Variants in DTWD2 observed in about 807,000 individuals in gnomAD.
The protein encoded by DTWD2 is tRNA-uridine aminocarboxypropyltransferase 2.
In DTWD2, 39 loss-of-function variants were observed where a neutral mutation model predicts 31.8. That is an observed-to-expected ratio of 1.22 (90% CI 0.95 to 1.60). The LOEUF (loss-of-function observed/expected upper bound fraction) is 1.60. Among genes scored for constraint, DTWD2 ranks in the 40% most tolerant of loss-of-function variants. The probability of loss-of-function intolerance (pLI) is 0.00; values close to 1 mark genes in which losing one functional copy is unlikely to be tolerated. For missense variants in DTWD2, 515 were observed against 381.5 expected (o/e 1.35, Z -2.92); for synonymous variants, 180 against 142.8 (o/e 1.26, Z -1.86).
intron 4 of DTWD2, among the ~76,000 whole-genome samples, chr5:118,856,512 G>A (rs1431091304): frequency 6.6e-6 from 1 of 152,088 alleles, no homozygotes; most frequent in Non-Finnish European, 1.5e-5. Flanking sequence ...CCCTAGGAGT[G>A]GAACTGATTT....
chr5:118,935,633 T>C (rs1178718598), intron 3 of DTWD2, among the ~76,000 whole-genome samples: 1 of 152,178 alleles, frequency 6.6e-6, no homozygotes, highest in South Asian at 2.1e-4. Flanking sequence ...GAAAAATGGT[T>C]GAGAGTTTTT....
intron 3 of DTWD2, among the ~76,000 whole-genome samples, chr5:118,934,093 T>C (rs1234230319): frequency 6.6e-6 from 1 of 150,444 alleles, no homozygotes; most frequent in Non-Finnish European, 1.5e-5. Flanking sequence ...TGTGAATCTA[T>C]TAAAATACGT....
At chr5:118,973,564 C>T (rs1755041609) in intron 1 of DTWD2, among the ~76,000 whole-genome samples, 1 of 152,112 alleles carries the variant, frequency 6.6e-6, no homozygotes, top group African/African-American at 2.4e-5. Context: ...CTTTTATTCC[C>T]ACTGGCTGCT....
intron 4 of DTWD2, among the ~76,000 whole-genome samples, chr5:118,918,282 G>A (rs1220992010): frequency 6.6e-6 from 1 of 152,022 alleles, no homozygotes; most frequent in Non-Finnish European, 1.5e-5. Context: ...AACATCAAAT[G>A]GACAATCTGA....
chr5:118,853,548 T>C (rs950371726), intron 4 of DTWD2, among the ~76,000 whole-genome samples: 1 of 152,136 alleles, frequency 6.6e-6, no homozygotes, highest in Admixed American at 6.5e-5. Context: ...TACATTTGCA[T>C]TATGGAATAC....
rs1016519558 is a variant in DTWD2, at chr5:118,939,377, C to G, written c.310-87G>C. On this transcript the variant is annotated intron_variant, in intron 2 of 5. Transcript: ENST00000510708. The stretch of plus-strand genomic sequence containing the variant: ...TTTATAATGAACATCTGATTCATAA[C>G]TTTATGCATAACTTTCACAAGTCTT... 13 of 1,147,380 alleles carry G rather than the reference C, an allele frequency of 1.1e-5. No individual in the cohort carries two copies. In the African/African-American group the frequency reaches 1.9e-4, roughly 17 times the overall value. 71.1% of individuals were successfully genotyped at this position (1,147,380 alleles called of 1,614,324 possible).
At chr5:118,868,805 C>G (rs1399813073) in intron 4 of DTWD2, among the ~76,000 whole-genome samples, 1 of 146,524 alleles carries the variant, frequency 6.8e-6, no homozygotes, top group Admixed American at 6.9e-5. Flanking sequence ...CCACTGCATT[C>G]CAGCCTGAAT....
chr5:118,871,721 G>A (rs898953408), intron 4 of DTWD2, among the ~76,000 whole-genome samples: 6 of 152,140 alleles, frequency 3.9e-5, no homozygotes, highest in Admixed American at 3.9e-4. Flanking sequence ...ACAAAGCACA[G>A]ACAGAGTAGA....
intron 4 of DTWD2, among the ~76,000 whole-genome samples, chr5:118,906,732 A>G (rs1428172032): frequency 1.3e-4 from 20 of 152,198 alleles, no homozygotes; most frequent in Non-Finnish European, 1.2e-4. Context: ...CTTGATAATC[A>G]TTTAGGGAGC....
At chr5:118,944,069 A>G (rs1370824970) in intron 2 of DTWD2, among the ~76,000 whole-genome samples, 1 of 152,256 alleles carries the variant, frequency 6.6e-6, no homozygotes, top group African/African-American at 2.4e-5. Flanking sequence ...GAAAGTATTA[A>G]TTTTAAAATC....
At chr5:118,896,430 A>G (rs1038421224) in intron 4 of DTWD2, among the ~76,000 whole-genome samples, 1 of 151,680 alleles carries the variant, frequency 6.6e-6, no homozygotes, top group African/African-American at 2.4e-5. Context: ...AGGTTAAGAT[A>G]AAAACAACTA....
chr5:118,913,845 A>G (rs922165541), intron 4 of DTWD2, among the ~76,000 whole-genome samples: 3 of 152,158 alleles, frequency 2.0e-5, no homozygotes, highest in East Asian at 3.9e-4. Context: ...AATGTAATAA[A>G]CTTGATAAAA....
In DTWD2 at chr5:118,954,292, C is replaced by G. The variant is rs537393607; in HGVS notation, c.219-9643G>C. Among the ~76,000 whole-genome samples, 3 of 152,202 alleles carry G rather than the reference C, an allele frequency of 2.0e-5. No individual in the cohort carries two copies. The South Asian group carries it at 6.2e-4, about 32-fold the overall frequency. On this transcript the variant is annotated intron_variant, in intron 1 of 5. Coordinates refer to ENST00000510708, the MANE Select transcript of DTWD2 (RefSeq NM_173666.4). ...CCTAGCAATGAATCAATCAATCAAT[C>G]AAATCATCCACCTTTTCTCTCACTA...
At chr5:118,902,029 A>G (rs938675597) in intron 4 of DTWD2, among the ~76,000 whole-genome samples, 1 of 152,204 alleles carries the variant, frequency 6.6e-6, no homozygotes, top group Admixed American at 6.5e-5. Flanking sequence ...ATTTTGAACA[A>G]TTTACCATTA....
chr5:118,940,297 T>C (rs1186422709), intron 2 of DTWD2, among the ~76,000 whole-genome samples: 2 of 152,230 alleles, frequency 1.3e-5, no homozygotes, highest in Non-Finnish European at 2.9e-5. Flanking sequence ...CATTTTCCAA[T>C]GTTTAATACA....
intron 3 of DTWD2, among the ~76,000 whole-genome samples, chr5:118,936,330 G>A (rs1447182329): frequency 2.0e-5 from 3 of 152,138 alleles, no homozygotes; most frequent in Non-Finnish European, 4.4e-5. Context: ...TTTGAGGCCA[G>A]GAGTTCAAGA....
intron 5 of DTWD2, among the ~76,000 whole-genome samples, chr5:118,843,874 C>T (rs1347881279): frequency 6.6e-6 from 1 of 152,176 alleles, no homozygotes; most frequent in Non-Finnish European, 1.5e-5. Flanking sequence ...CATTTTCTAT[C>T]CCTTTTCAAA....
At chr5:118,924,102 A>G (rs1399324183) in intron 4 of DTWD2, among the ~76,000 whole-genome samples, 1 of 152,190 alleles carries the variant, frequency 6.6e-6, no homozygotes, top group Non-Finnish European at 1.5e-5. Context: ...AGAGTCTTCC[A>G]AAAAGGCAGA....
intron 4 of DTWD2, among the ~76,000 whole-genome samples, chr5:118,878,727 A>G (rs887343719): frequency 1.3e-5 from 2 of 152,338 alleles, no homozygotes; most frequent in South Asian, 2.1e-4. Flanking sequence ...CAAACAGACA[A>G]TCTACAGAAT....
Sources: gnomAD v4.1 joint callset for allele counts (sites outside exome capture counted in the v4.1 genomes callset) on GRCh38, gnomAD v4.1.1 for gene constraint, MANE v1.5 for transcripts, NCBI Gene and HGNC (gene_info 2026-07-23, HGNC 2026-07-21) for gene names.